Variants in PIEZO2 observed in about 807,000 individuals in gnomAD.
PIEZO2 encodes piezo-type mechanosensitive ion channel component 2.
PIEZO2 carries 172 observed loss-of-function variants against 337.3 expected under a neutral mutation model. The observed-to-expected ratio is 0.51, with a 90% confidence interval of 0.45 to 0.58. The LOEUF is 0.58. Ranked by LOEUF, PIEZO2 falls within the 20% of genes least tolerant of loss-of-function variation. The pLI, the probability that PIEZO2 is intolerant of heterozygous loss-of-function variation, is 0.00. For synonymous variants in PIEZO2, 1,251 were observed against 1,228.5 expected (o/e 1.02, Z -0.38); for missense variants, 3,028 against 3,391.3 (o/e 0.89, Z 2.66).
chr18:10,941,683 T>C (rs117334682), intron 3 of PIEZO2, among the ~76,000 whole-genome samples: 1,971 of 152,154 alleles, frequency 0.013, 19 homozygotes, highest in Non-Finnish European at 0.022. Context: ...AGAAACATAA[T>C]TGGAAACCAA....
intron 49 of PIEZO2, among the ~76,000 whole-genome samples, 171 bp downstream of exon 49, chr18:10,689,484 C>G (rs1418076599): frequency 6.6e-6 from 1 of 152,152 alleles, no homozygotes; most frequent in African/African-American, 2.4e-5. Context: ...ACTATGACGG[C>G]AGTAAGTCTA....
At position 10,731,690 on chromosome 18, in the gene PIEZO2, A is replaced by G. The variant is rs78049774; in HGVS notation, c.4915-169T>C. On this transcript the variant is annotated intron_variant, in intron 35 of 55. Transcript: ENST00000674853. ...CAATTTTTTTTTTTAGAAAAAGACAACAGATGTTGTAGTAATATATTTCAT... is the reference window on the plus strand; with the variant it reads ...CAATTTTTTTTTTTAGAAAAAGACAGCAGATGTTGTAGTAATATATTTCAT... Among the ~76,000 whole-genome samples, 2,310 of 152,212 alleles carry G rather than the reference A, an allele frequency of 0.015. 52 individuals carry two copies. Among genetic ancestry groups the G allele is most frequent in the African/African-American group, 0.051 (2,111 of 41,524 alleles).
At chr18:10,949,852 G>T (rs2033207762) in intron 3 of PIEZO2, among the ~76,000 whole-genome samples, 1 of 152,144 alleles carries the variant, frequency 6.6e-6, no homozygotes, top group African/African-American at 2.4e-5. Flanking sequence ...CCTCCACAAT[G>T]ACTGTCACTG....
chr18:10,857,095 C>T lies in PIEZO2; in HGVS notation c.609G>A (p.Arg203=). Residue 203 remains arginine (R), a synonymous_variant, in exon 6 of 56, where the codon AGG becomes AGA. Transcript: ENST00000674853. The stretch of plus-strand genomic sequence containing the variant: ...TGAGCTTAGAGGCCACAGAGGCAAG[C>T]CTGCGGAACATTTTTAACTTCGTGC... The part of the protein sequence containing the change: ...EESTKLKMFR[R]LASVASKLKE... The T allele has an allele frequency of 6.5e-7, 1 of 1,537,624 alleles. No individual in the cohort carries two copies. The highest frequency in any genetic ancestry group is 8.7e-7 in the Non-Finnish European group (1 of 1,146,990).
Position 10,973,392 on chromosome 18 carries a change from A to G in PIEZO2, c.286+6143T>C, listed in dbSNP as rs990600864. Among the ~76,000 whole-genome samples the G allele has an allele frequency of 6.6e-6, 1 of 152,220 alleles. No individual in the cohort carries two copies. The highest frequency in any genetic ancestry group is 2.4e-5 in the African/African-American group (1 of 41,462). On this transcript the variant is annotated intron_variant, in intron 3 of 55. Coordinates refer to ENST00000674853, the MANE Select transcript of PIEZO2 (RefSeq NM_001378183.1). The surrounding 1 kb of genome is among the most constrained non-coding windows in gnomAD (Gnocchi z 4.9). Reference sequence around the variant, plus strand: ...GATCATAAATGTGTCTTTGCTCACTATGGAGAGCAGCAGTCTCCATCTAGG... The same window carrying G: ...GATCATAAATGTGTCTTTGCTCACTGTGGAGAGCAGCAGTCTCCATCTAGG...
At chr18:11,054,936 G>A (rs1053992458) in intron 2 of PIEZO2, among the ~76,000 whole-genome samples, 1 of 152,144 alleles carries the variant, frequency 6.6e-6, no homozygotes, top group Admixed American at 6.5e-5. Context: ...GGGCAGCCAG[G>A]CACGGTGGCT....
intron 2 of PIEZO2, among the ~76,000 whole-genome samples, chr18:11,022,362 A>T (rs1383816732): frequency 6.6e-6 from 1 of 152,262 alleles, no homozygotes. Context: ...AAGGCAGTGC[A>T]GGAAGCATGC....
chr18:11,087,201 C>A (rs2038943554), intron 1 of PIEZO2, among the ~76,000 whole-genome samples: 2 of 152,210 alleles, frequency 1.3e-5, no homozygotes, highest in Non-Finnish European at 2.9e-5. Flanking sequence ...GGTGTCTATA[C>A]CTCAGGCTTC....
chr18:10,726,940 T>G lies in PIEZO2; in HGVS notation c.5029+4467A>C. On this transcript the variant is annotated intron_variant, in intron 36 of 55. Coordinates refer to ENST00000674853, the MANE Select transcript of PIEZO2 (RefSeq NM_001378183.1). This position sits in a 1 kb window ranked among gnomAD's most constrained non-coding sequence, Gnocchi z 5.9. ...GCTGGGTCGCCTGCTGCCCGACTGA[T>G]GTAGGTTGAGGGCTGCAGACAGAGG... The G allele has an allele frequency of 6.6e-7, 1 of 1,516,790 alleles. No individual in the cohort carries two copies. The highest frequency in any genetic ancestry group is 8.9e-7 in the Non-Finnish European group (1 of 1,117,766). 94.0% of individuals were successfully genotyped at this position (1,516,790 alleles called of 1,614,324 possible).
intron 43 of PIEZO2, among the ~76,000 whole-genome samples, chr18:10,699,869 T>C (rs932217231): frequency 6.6e-6 from 1 of 152,150 alleles, no homozygotes; most frequent in Non-Finnish European, 1.5e-5. Flanking sequence ...TGGCCACGCA[T>C]TTGCTTCCTA....
Position 10,875,157 on chromosome 18 carries a change from C to T in PIEZO2, c.330-3742G>A, listed in dbSNP as rs538568151. 7.4e-4 allele frequency among the ~76,000 whole-genome samples: 113 copies of T among 152,166 alleles called. 1 individual carries two copies. Among genetic ancestry groups the T allele is most frequent in the African/African-American group, 2.6e-3 (107 of 41,534 alleles). ...CTGTGAAAGCTTAATTTTTACAAAT[C>T]GCCTCTAAACTCTTACCCCATTTAA... On this transcript the variant is annotated intron_variant, in intron 4 of 55. Coordinates refer to ENST00000674853, the MANE Select transcript of PIEZO2 (RefSeq NM_001378183.1).
chr18:10,916,434 G>A (rs75639551), intron 3 of PIEZO2, among the ~76,000 whole-genome samples: 1,898 of 152,252 alleles, frequency 0.012, 44 homozygotes, highest in African/African-American at 0.043. Context: ...TCCTCGAGGC[G>A]AGGAGGCAGA....
Position 10,793,402 on chromosome 18 carries a change from C to T in PIEZO2, c.1758+1370G>A, listed in dbSNP as rs553683604. Among the ~76,000 whole-genome samples the T allele has an allele frequency of 1.8e-4, 28 of 152,212 alleles. No individual in the cohort carries two copies. The East Asian group carries it at 1.9e-3, about 10-fold the overall frequency. ...AATATAAGTGCAGAACCTAGGTTCC[C>T]GGAGTAACTCTTTTTTTCCACGAGT... On this transcript the variant is annotated intron_variant, in intron 13 of 55. Coordinates refer to ENST00000674853, the MANE Select transcript of PIEZO2 (RefSeq NM_001378183.1).
rs1180503825 is a variant in PIEZO2, at chr18:10,787,117, A to G, written c.2237T>C (p.Leu746Pro). Residue 746 changes from leucine to proline, a missense_variant, in exon 16 of 56, where the codon CTG becomes CCG. This residue lies in a region of PIEZO2 where 1,925 missense variants were observed against 2,051.9 expected (regional missense o/e 0.94). Transcript: ENST00000674853. ...ATATGTGTATATAAAGATAAGCACC[A>G]GCATAGTGTAAATAACCACTGACAT... ...FWMSVVIYTM[L>P]VLIFIYTYQF... 1.7e-5 allele frequency: 26 copies of G among 1,536,066 alleles called. No individual in the cohort carries two copies. The highest frequency in any genetic ancestry group is 2.3e-5 in the Non-Finnish European group (26 of 1,146,148).
intron 10 of PIEZO2, 64 bp from the exon 11 acceptor site, chr18:10,800,539 C>T: frequency 6.9e-7 from 1 of 1,449,584 alleles, no homozygotes; most frequent in East Asian, 2.7e-5. Context: ...TGCAGACATA[C>T]CCCCACTTCC....
At chr18:11,113,801 G>A (rs1004507405) in intron 1 of PIEZO2, among the ~76,000 whole-genome samples, 1 of 152,236 alleles carries the variant, frequency 6.6e-6, no homozygotes, top group Non-Finnish European at 1.5e-5. Flanking sequence ...CCCCCGAGGA[G>A]TGACAAGAAA....
intron 3 of PIEZO2, among the ~76,000 whole-genome samples, chr18:10,968,584 A>T (rs1167648766): frequency 6.6e-6 from 1 of 151,032 alleles, no homozygotes; most frequent in Admixed American, 6.6e-5. Context: ...TTCAAGAGTT[A>T]TGTCCATTTA....
At position 10,854,442 on chromosome 18, in the gene PIEZO2, C is replaced by T. The variant is rs113287311; in HGVS notation, c.917+911G>A. Among the ~76,000 whole-genome samples the T allele has an allele frequency of 4.1e-4, 62 of 152,264 alleles. 1 individual carries two copies. The highest frequency in any genetic ancestry group is 1.5e-3 in the African/African-American group (62 of 41,540). ...TATTTCAGGTGTGGACATAATAGAACATATCATTAAGGATTGATGAATAGT... is the reference window on the plus strand; with the variant it reads ...TATTTCAGGTGTGGACATAATAGAATATATCATTAAGGATTGATGAATAGT... On this transcript the variant is annotated intron_variant, in intron 7 of 55. Coordinates refer to ENST00000674853, the MANE Select transcript of PIEZO2 (RefSeq NM_001378183.1). The surrounding 1 kb of genome is among the most constrained non-coding windows in gnomAD (Gnocchi z 4.6).
intron 2 of PIEZO2, among the ~76,000 whole-genome samples, chr18:11,034,826 C>A (rs1325611504): frequency 6.6e-6 from 1 of 152,124 alleles, no homozygotes; most frequent in African/African-American, 2.4e-5. Context: ...GCCTGGGCAA[C>A]AGAGCGAGAC....
Sources: gnomAD v4.1 joint callset for allele counts (sites outside exome capture counted in the v4.1 genomes callset) on GRCh38, gnomAD v4.1.1 for gene constraint, gnomAD v4.1.1 regional missense constraint, Gnocchi (gnomAD v3.1) non-coding constraint, MANE v1.5 for transcripts, NCBI Gene and HGNC (gene_info 2026-07-23, HGNC 2026-07-21) for gene names.